Variants in DGKK observed in about 807,000 individuals in gnomAD.
The protein encoded by DGKK is diacylglycerol kinase kappa.
DGKK carries 35 observed loss-of-function variants against 92.2 expected under a neutral mutation model. The ratio of observed to expected loss-of-function variants is 0.38; its 90% CI spans 0.29 to 0.50. The LOEUF (loss-of-function observed/expected upper bound fraction) is 0.50. DGKK is among the 20% of genes least tolerant of loss of function. The pLI, the probability that DGKK is intolerant of heterozygous loss-of-function variation, is 0.92. For synonymous variants in DGKK, 368 were observed against 360.6 expected (o/e 1.02, Z -0.23); for missense variants, 910 against 992.2 (o/e 0.92, Z 1.11).
chrX:50,370,668 T>G, intron 26 of DGKK, 119 bp from the exon 27 acceptor site: 1 of 811,395 alleles, frequency 1.2e-6, no homozygotes, highest in Non-Finnish European at 1.7e-6. Flanking sequence ...ATCTGCTCTC[T>G]ATCCAGGTAT....
At chrX:50,370,361 C>A (rs1924088320) in intron 27 of DGKK, 65 bp downstream of exon 27, 29 of 1,135,206 alleles carry the variant, frequency 2.6e-5, no homozygotes, top group Non-Finnish European at 3.3e-5. Flanking sequence ...GCTTCAGGTC[C>A]CTGGGAGGTA....
chrX:50,465,336 G>C (rs782248625), intron 1 of DGKK, among the ~76,000 whole-genome samples: 1 of 108,254 alleles, frequency 9.2e-6, no homozygotes, highest in Non-Finnish European at 1.9e-5. Flanking sequence ...CTTTCTTTTC[G>C]TTTTTAAAAT....
chrX:50,424,679 A>G (rs1557229500), intron 1 of DGKK, among the ~76,000 whole-genome samples: 1 of 111,958 alleles, frequency 8.9e-6, no homozygotes, highest in Admixed American at 9.4e-5. Context: ...CTTAGGAAAG[A>G]ATGCGTGGTA....
intron 12 of DGKK, 99 bp downstream of exon 12, chrX:50,390,229 C>T: frequency 1.3e-6 from 1 of 763,172 alleles, no homozygotes; most frequent in South Asian, 2.4e-5. Context: ...TGATCTCATC[C>T]TCATCCATGC....
rs781814541 is a variant in DGKK at position 50,368,544 on chromosome X, G to C, written c.*396C>G. 8.5e-6 allele frequency: 1 copy of C among 117,684 alleles called. No individual in the cohort carries two copies. The highest frequency in any genetic ancestry group is 3.3e-5 in the African/African-American group (1 of 30,711). 9.7% of individuals were successfully genotyped at this position (117,684 alleles called of 1,213,427 possible). A position where few individuals can be genotyped will look rare whatever the true frequency, so the allele number is the denominator to read the frequency against. ...TCTTCATCTCCCTGGGAGTCTGTGT[G>C]TCTTTCATTCATTCCTTAGCATTGA... On this transcript the variant is annotated 3_prime_UTR_variant, in exon 28 of 28. Coordinates refer to ENST00000611977, the MANE Select transcript of DGKK (RefSeq NM_001013742.4).
At chrX:50,390,166 C>T (rs1924648924) in intron 12 of DGKK, among the ~76,000 whole-genome samples, 162 bp downstream of exon 12, 1 of 112,298 alleles carries the variant, frequency 8.9e-6, no homozygotes, top group South Asian at 3.7e-4. Flanking sequence ...ATCCCCAGTG[C>T]TTAACATAGT....
chrX:50,447,409 A>AATAT (rs1300605253), intron 1 of DGKK, among the ~76,000 whole-genome samples: 3 of 12,464 alleles, frequency 2.4e-4, no homozygotes, highest in East Asian at 2.7e-3. Flanking sequence ...ATATATATAT[A>AATAT]ATATATATAT....
At chrX:50,424,197 G>T in intron 2 of DGKK, 51 bp downstream of exon 2, 1 of 1,114,821 alleles carries the variant, frequency 9.0e-7, no homozygotes, top group Non-Finnish European at 1.2e-6. Flanking sequence ...CCCACACAAA[G>T]GTTTCCTGGC....
chrX:50,462,104 CAAATCA>C (rs1253394852), intron 1 of DGKK, among the ~76,000 whole-genome samples: 5 of 111,378 alleles, frequency 4.5e-5, no homozygotes, highest in Admixed American at 9.5e-5. Flanking sequence ...AGCGAATTCC[CAAATCA>C]TTTGTTCGGT....
intron 12 of DGKK, 125 bp downstream of exon 12, chrX:50,390,203 T>C (rs1395001727): frequency 1.7e-4 from 95 of 564,225 alleles, no homozygotes; most frequent in Non-Finnish European, 1.1e-4. Context: ...CTGACTGACA[T>C]GTCACCAACT....
intron 4 of DGKK, among the ~76,000 whole-genome samples, chrX:50,405,592 C>T (rs1026689638): frequency 1.8e-5 from 2 of 108,395 alleles, no homozygotes; most frequent in Non-Finnish European, 3.8e-5. Flanking sequence ...ATTAAGTATT[C>T]ATCCTTGATC....
At chrX:50,414,518 A>G (rs1183321232) in intron 4 of DGKK, among the ~76,000 whole-genome samples, 3 of 111,691 alleles carry the variant, frequency 2.7e-5, no homozygotes, top group Non-Finnish European at 5.6e-5. Context: ...AAACATAAAT[A>G]AATAGCTCAT....
intron 1 of DGKK, among the ~76,000 whole-genome samples, chrX:50,463,102 C>T (rs951536839): frequency 1.9e-5 from 2 of 105,959 alleles, no homozygotes; most frequent in Non-Finnish European, 3.9e-5. Flanking sequence ...AGGAATAATA[C>T]GCAATGTCTG....
rs1220614523 is a variant in DGKK, at chrX:50,435,156, G to C, written c.646-10798C>G. On this transcript the variant is annotated intron_variant, in intron 1 of 27. Transcript: ENST00000611977. ...ATTATAATCTTATGGGACCACCATA[G>C]TATATGAGGTCCATCATCGACTGAG... Among the ~76,000 whole-genome samples, 5 of 112,615 alleles carry C rather than the reference G, an allele frequency of 4.4e-5. No individual in the cohort carries two copies. The Admixed American group carries it at 4.7e-4, about 11-fold the overall frequency.
intron 25 of DGKK, among the ~76,000 whole-genome samples, chrX:50,374,333 G>A (rs1245169014): frequency 6.3e-5 from 7 of 111,504 alleles, no homozygotes; most frequent in Non-Finnish European, 1.3e-4. Context: ...GAACACCAAA[G>A]CTTGCCAGAA....
chrX:50,453,931 A>T (rs781817219), intron 1 of DGKK, among the ~76,000 whole-genome samples: 1 of 108,809 alleles, frequency 9.2e-6, no homozygotes, highest in Non-Finnish European at 1.9e-5. Flanking sequence ...TCCTCTGACC[A>T]TTTCTTTCTC....
intron 1 of DGKK, among the ~76,000 whole-genome samples, chrX:50,425,432 A>G (rs1311163229): frequency 9.0e-6 from 1 of 110,746 alleles, no homozygotes; most frequent in East Asian, 2.8e-4. Context: ...ACTGAGTACC[A>G]GCTGCTCCCT....
intron 7 of DGKK, among the ~76,000 whole-genome samples, chrX:50,402,111 G>A (rs1234296226): frequency 1.8e-5 from 2 of 111,880 alleles, no homozygotes; most frequent in South Asian, 3.8e-4. Flanking sequence ...TAGTGTTGTA[G>A]TTAAGAGTGT....
chrX:50,401,750 G>GA (rs201716961), intron 7 of DGKK, among the ~76,000 whole-genome samples: 1,139 of 99,865 alleles, frequency 0.011, 12 homozygotes, highest in African/African-American at 0.029. Flanking sequence ...AAAAGCAATT[G>GA]AAAAAAAAAA....
Sources: gnomAD v4.1 joint callset for allele counts (sites outside exome capture counted in the v4.1 genomes callset) on GRCh38, gnomAD v4.1.1 for gene constraint, MANE v1.5 for transcripts, NCBI Gene and HGNC (gene_info 2026-07-23, HGNC 2026-07-21) for gene names.